The following NTM variants were observed in gnomAD, a reference collection of about 807,000 sequenced individuals.
NTM encodes neurotrimin, also known as IgLON family member 2.
A neutral mutation model predicts 42.1 loss-of-function variants in NTM; 13 were observed. The ratio of observed to expected loss-of-function variants is 0.31; its 90% CI spans 0.20 to 0.49. The LOEUF (loss-of-function observed/expected upper bound fraction) is 0.49, where lower values mean the gene tolerates loss of function less well. Ranked by LOEUF, NTM falls within the 20% of genes least tolerant of loss-of-function variation. The pLI is 0.99. For synonymous variants in NTM, 187 were observed against 179.2 expected (o/e 1.04, Z -0.35); for missense variants, 373 against 452.8 (o/e 0.82, Z 1.60).
chr11:132,309,447 A>C (rs2095210599), intron 5 of NTM, among the ~76,000 whole-genome samples: 2 of 152,194 alleles, frequency 1.3e-5, no homozygotes, highest in Non-Finnish European at 1.5e-5. Context: ...TTTGGCAAGA[A>C]CCTGGTGTGC....
intron 1 of NTM, among the ~76,000 whole-genome samples, chr11:131,592,301 T>C (rs908144): frequency 0.023 from 3,495 of 152,154 alleles, 141 homozygotes; most frequent in African/African-American, 0.08. Context: ...AGCATGTAAC[T>C]TCACCTCTCT....
At chr11:132,249,769 C>T (rs984242495) in intron 4 of NTM, among the ~76,000 whole-genome samples, 16 of 152,368 alleles carry the variant, frequency 1.1e-4, no homozygotes, top group African/African-American at 2.9e-4. Context: ...CACTTTCTCT[C>T]GGTTTTCTCT....
chr11:131,654,959 A>G (rs549979607), intron 1 of NTM, among the ~76,000 whole-genome samples: 5 of 152,200 alleles, frequency 3.3e-5, no homozygotes, highest in Non-Finnish European at 7.3e-5. Flanking sequence ...TCAGAAATGA[A>G]AAATCTCAGG....
intron 2 of NTM, among the ~76,000 whole-genome samples, chr11:132,050,267 T>G (rs2078665238): frequency 6.6e-6 from 1 of 152,088 alleles, no homozygotes; most frequent in Non-Finnish European, 1.5e-5. Flanking sequence ...GAGAGGGAAG[T>G]TAGAGAAATT....
chr11:132,262,360 A>T (rs776440649), intron 4 of NTM, among the ~76,000 whole-genome samples: 1 of 152,170 alleles, frequency 6.6e-6, no homozygotes, highest in Non-Finnish European at 1.5e-5. Context: ...TTTGTTTGCC[A>T]CTGGCCACGG....
At chr11:132,078,337 A>T (rs1177313855) in intron 2 of NTM, among the ~76,000 whole-genome samples, 2 of 152,220 alleles carry the variant, frequency 1.3e-5, no homozygotes, top group Non-Finnish European at 1.5e-5. Flanking sequence ...GCACAGGGTT[A>T]GCATATTGCC....
intron 2 of NTM, among the ~76,000 whole-genome samples, chr11:131,958,731 G>C (rs1055311247): frequency 7.9e-5 from 12 of 152,206 alleles, no homozygotes; most frequent in African/African-American, 2.7e-4. Flanking sequence ...CAGCACACTA[G>C]TGAGCATTTA....
chr11:131,739,491 A>G (rs920441821), intron 1 of NTM, among the ~76,000 whole-genome samples: 5 of 152,138 alleles, frequency 3.3e-5, no homozygotes, highest in African/African-American at 1.2e-4. Context: ...TGTGTCTCTT[A>G]GCTGCTTTCT....
intron 3 of NTM, among the ~76,000 whole-genome samples, chr11:132,200,191 G>C (rs2080937090): frequency 1.3e-5 from 2 of 152,186 alleles, no homozygotes; most frequent in African/African-American, 4.8e-5. Flanking sequence ...AAAATCAACG[G>C]ATAAGTTTCC....
intron 2 of NTM, among the ~76,000 whole-genome samples, chr11:132,016,220 C>T (rs994076918): frequency 1.3e-5 from 2 of 151,008 alleles, no homozygotes; most frequent in Non-Finnish European, 3.0e-5. Flanking sequence ...TTGTTGATAT[C>T]GTATGTTGAA....
intron 7 of NTM, among the ~76,000 whole-genome samples, chr11:132,316,460 G>A (rs143773660): frequency 2.5e-4 from 38 of 152,268 alleles, no homozygotes; most frequent in East Asian, 1.2e-3. Context: ...GCTCTCTGGC[G>A]TCCAGGGTTT....
At chr11:131,698,282 C>T (rs995399141) in intron 1 of NTM, among the ~76,000 whole-genome samples, 3 of 152,176 alleles carry the variant, frequency 2.0e-5, no homozygotes, top group African/African-American at 7.2e-5. Context: ...GTGTACCCCC[C>T]ACCCTACCCC....
At chr11:131,767,648 C>T (rs138334335) in intron 1 of NTM, among the ~76,000 whole-genome samples, 5 of 152,274 alleles carry the variant, frequency 3.3e-5, no homozygotes, top group African/African-American at 7.2e-5. Context: ...AATGAGTCCT[C>T]GCCAGACACA....
intron 4 of NTM, among the ~76,000 whole-genome samples, chr11:132,220,275 AAC>A (rs1269787849): frequency 6.6e-6 from 1 of 152,210 alleles, no homozygotes; most frequent in Non-Finnish European, 1.5e-5. Context: ...AAGTGGCTTA[AAC>A]ACAGACAGGC....
At chr11:132,288,091 C>T (rs1422225589) in intron 4 of NTM, among the ~76,000 whole-genome samples, 1 of 152,186 alleles carries the variant, frequency 6.6e-6, no homozygotes. Flanking sequence ...CGCACAGAGC[C>T]TAGTGTCAGT....
chr11:132,045,979 T>C (rs2077929682), intron 2 of NTM, among the ~76,000 whole-genome samples: 1 of 152,140 alleles, frequency 6.6e-6, no homozygotes, highest in South Asian at 2.1e-4. Flanking sequence ...AAAAATAGAG[T>C]TGCTTATATA....
chr11:131,783,206 A>G lies in NTM; in HGVS notation c.83-128358A>G, dbSNP rs139342685. On this transcript the variant is annotated intron_variant, in intron 1 of 8. Transcript: ENST00000683400. ...TGGCAACCAATTGGAAAATTTAATT[A>G]AAAATCCTATTTACAGGGTCATCCA... Among the ~76,000 whole-genome samples, 216 of 152,316 alleles carry G rather than the reference A, an allele frequency of 1.4e-3. 1 individual carries two copies. Among genetic ancestry groups the G allele is most frequent in the African/African-American group, 4.8e-3 (201 of 41,596 alleles).
At chr11:132,226,562 T>G (rs1183466760) in intron 4 of NTM, among the ~76,000 whole-genome samples, 1 of 152,230 alleles carries the variant, frequency 6.6e-6, no homozygotes, top group Non-Finnish European at 1.5e-5. Flanking sequence ...GGGTTGTTTT[T>G]TTCTTGTAAA....
intron 2 of NTM, among the ~76,000 whole-genome samples, chr11:131,919,603 G>T (rs2056921330): frequency 6.6e-6 from 1 of 152,140 alleles, no homozygotes; most frequent in African/African-American, 2.4e-5. Context: ...TTGTTTGATT[G>T]CAGGCAAAAT....
Sources: gnomAD v4.1 joint callset for allele counts (sites outside exome capture counted in the v4.1 genomes callset) on GRCh38, gnomAD v4.1.1 for gene constraint, MANE v1.5 for transcripts, NCBI Gene and HGNC (gene_info 2026-07-23, HGNC 2026-07-21) for gene names.